C1orf146: variants seen among roughly 807,000 people sequenced by gnomAD.
C1orf146 encodes the protein protein SPO16 homolog.
C1orf146 carries 22 observed loss-of-function variants against 23.0 expected under a neutral mutation model. The observed-to-expected ratio is 0.96, with a 90% confidence interval of 0.68 to 1.36. C1orf146 has a LOEUF of 1.36. Among genes scored for constraint, C1orf146 ranks in the 40% most tolerant of loss-of-function variants. The pLI, the probability that C1orf146 is intolerant of heterozygous loss-of-function variation, is 0.00. For missense variants in C1orf146, 199 were observed against 206.8 expected (o/e 0.96, Z 0.23); for synonymous variants, 59 against 65.3 (o/e 0.90, Z 0.47).
chr1:92,221,543 G>A (rs2100724854), intron 1 of C1orf146, among the ~76,000 whole-genome samples: 1 of 152,256 alleles, frequency 6.6e-6, no homozygotes, highest in Non-Finnish European at 1.5e-5. Context: ...TAAGAGCAAA[G>A]GTGGTATTTT....
intron 1 of C1orf146, among the ~76,000 whole-genome samples, chr1:92,228,707 C>T (rs925636683): frequency 1.3e-5 from 2 of 152,242 alleles, no homozygotes; most frequent in South Asian, 2.1e-4. Context: ...ACTTGTCTTC[C>T]GCAAGCATGT....
At chr1:92,241,321 C>T (rs983055029) in intron 2 of C1orf146, among the ~76,000 whole-genome samples, 36 of 152,018 alleles carry the variant, frequency 2.4e-4, no homozygotes, top group African/African-American at 8.2e-4. Flanking sequence ...AAGTGATTCT[C>T]CCACCTCAGC....
chr1:92,223,681 G>A (rs756246511), intron 1 of C1orf146, among the ~76,000 whole-genome samples: 5 of 151,926 alleles, frequency 3.3e-5, no homozygotes, highest in South Asian at 2.1e-4. Context: ...CTACAGGTAC[G>A]CACCACCACG....
intron 2 of C1orf146, 116 bp downstream of exon 2, chr1:92,231,602 C>A: frequency 1.7e-6 from 1 of 593,132 alleles, no homozygotes; most frequent in Non-Finnish European, 2.9e-6. Context: ...TTGTGGGGAG[C>A]AGGAAGTACA....
At chr1:92,242,119 TA>T (rs1449148028) in intron 2 of C1orf146, 92 bp from the exon 3 acceptor site, 4 of 580,602 alleles carry the variant, frequency 6.9e-6, no homozygotes, top group East Asian at 6.3e-5. Context: ...GTGGTAGTTA[TA>T]AAACAACATA....
intron 1 of C1orf146, among the ~76,000 whole-genome samples, chr1:92,231,126 T>C (rs566175575): frequency 2.0e-5 from 3 of 152,344 alleles, no homozygotes; most frequent in South Asian, 4.1e-4. Flanking sequence ...CCTCAGACCT[T>C]GCGTGTTCTT....
intron 3 of C1orf146, among the ~76,000 whole-genome samples, chr1:92,242,598 C>T (rs543743435): frequency 1.9e-3 from 284 of 152,254 alleles, no homozygotes; most frequent in African/African-American, 6.4e-3. Context: ...TCTATACTTA[C>T]ATTAAAGTAT....
At chr1:92,231,689 G>A (rs559698911) in intron 2 of C1orf146, among the ~76,000 whole-genome samples, 394 of 151,710 alleles carry the variant, frequency 2.6e-3, no homozygotes, top group Non-Finnish European at 4.6e-3. Flanking sequence ...TTAATTCTTT[G>A]AAGGTTGGAG....
At position 92,236,996 on chromosome 1, in the gene C1orf146, A is replaced by T. The variant is rs192826835; in HGVS notation, c.67-5216A>T. ...AGCACTTCTCTGTATTGTTTATTCT[A>T]GTTATACGTTCGCCTAAATTTTTTT... On this transcript the variant is annotated intron_variant, in intron 2 of 5. Transcript: ENST00000370375. Among the ~76,000 whole-genome samples, 4 of 152,176 alleles carry T rather than the reference A, an allele frequency of 2.6e-5. No individual in the cohort carries two copies. In the East Asian group the frequency reaches 7.7e-4, roughly 29 times the overall value.
At chr1:92,230,745 G>C (rs1312006332) in intron 1 of C1orf146, among the ~76,000 whole-genome samples, 1 of 152,090 alleles carries the variant, frequency 6.6e-6, no homozygotes, top group Admixed American at 6.5e-5. Context: ...ACTCCAGCCT[G>C]TGGGTAAAAG....
At chr1:92,244,470 C>A in intron 4 of C1orf146, 85 bp downstream of exon 4, 1 of 1,054,132 alleles carries the variant, frequency 9.5e-7, no homozygotes, top group Non-Finnish European at 1.4e-6. Flanking sequence ...TTTTGTTTTG[C>A]TAGATGATGA....
intron 1 of C1orf146, among the ~76,000 whole-genome samples, chr1:92,222,582 T>C (rs1651855226): frequency 6.7e-6 from 1 of 149,006 alleles, no homozygotes; most frequent in Non-Finnish European, 1.5e-5. Context: ...TATTTCTTTT[T>C]TCTTTTTTCT....
intron 3 of C1orf146, among the ~76,000 whole-genome samples, chr1:92,243,919 T>A (rs979509039): frequency 1.3e-5 from 2 of 151,534 alleles, no homozygotes; most frequent in Non-Finnish European, 1.5e-5. Context: ...AATGAAAAAC[T>A]ACCCAGTATC....
intron 3 of C1orf146, 141 bp from the exon 4 acceptor site, chr1:92,244,076 C>CT (rs1652502469): frequency 1.7e-6 from 1 of 572,188 alleles, no homozygotes. Context: ...GTAGGAATTC[C>CT]ATTATAGTAC....
chr1:92,234,706 C>G (rs1652230356), intron 2 of C1orf146, among the ~76,000 whole-genome samples: 1 of 152,164 alleles, frequency 6.6e-6, no homozygotes, highest in African/African-American at 2.4e-5. Context: ...CTCCTTTTAC[C>G]TCTGGTAGAA....
At chr1:92,227,541 A>AAAAAAT (rs1167931060) in intron 1 of C1orf146, among the ~76,000 whole-genome samples, 1 of 152,148 alleles carries the variant, frequency 6.6e-6, no homozygotes, top group Non-Finnish European at 1.5e-5. Flanking sequence ...TCCATCTCAA[A>AAAAAAT]AAAAATAAAA....
chr1:92,224,016 ATTTAT>A (rs1557484793), intron 1 of C1orf146, among the ~76,000 whole-genome samples: 1 of 12,364 alleles, frequency 8.1e-5, no homozygotes, highest in East Asian at 5.8e-4. Flanking sequence ...GTTTTATTTT[ATTTAT>A]TTATTTATTT....
At chr1:92,236,803 C>T (rs903560795) in intron 2 of C1orf146, among the ~76,000 whole-genome samples, 4 of 152,142 alleles carry the variant, frequency 2.6e-5, no homozygotes, top group Admixed American at 1.3e-4. Flanking sequence ...TGGATTTGTT[C>T]GTTTCTTTTT....
At chr1:92,241,757 C>T (rs565773446) in intron 2 of C1orf146, among the ~76,000 whole-genome samples, 1 of 152,164 alleles carries the variant, frequency 6.6e-6, no homozygotes, top group Non-Finnish European at 1.5e-5. Flanking sequence ...AGGCATGAGC[C>T]ACCACCCAAG....
Sources: gnomAD v4.1 joint callset for allele counts (sites outside exome capture counted in the v4.1 genomes callset) on GRCh38, gnomAD v4.1.1 for gene constraint, MANE v1.5 for transcripts, NCBI Gene and HGNC (gene_info 2026-07-23, HGNC 2026-07-21) for gene names.